The following DRC4 variants were observed in gnomAD, a reference collection of about 807,000 sequenced individuals.
DRC4 encodes dynein regulatory complex subunit 4.
chr16:90,039,863 G>C, the DRC4 span: 2 of 229,918 alleles, frequency 8.7e-6, no homozygotes, highest in South Asian at 1.4e-4. Flanking sequence ...TGTGATGCCA[G>C]GATCTGGGGC....
At chr16:90,033,163 G>A in the DRC4 span, among the ~76,000 whole-genome samples, 65,031 of 152,080 alleles carry the variant, frequency 0.43, 14,785 homozygotes, top group East Asian at 0.82. Flanking sequence ...TCACCGAAGA[G>A]AAAAAATCCA....
At chr16:90,037,485 C>T in the DRC4 span, 2 of 1,441,184 alleles carry the variant, frequency 1.4e-6, no homozygotes, top group Non-Finnish European at 1.9e-6. Flanking sequence ...AGGGGCTTGG[C>T]CCTTAGGGCA....
chr16:90,041,284 A>G, the DRC4 span, among the ~76,000 whole-genome samples: 1 of 152,164 alleles, frequency 6.6e-6, no homozygotes, highest in Non-Finnish European at 1.5e-5. Context: ...CTAAGTGAGG[A>G]ATCTTCTGGG....
At chr16:90,043,079 T>C in the DRC4 span, 1 of 1,208,740 alleles carries the variant, frequency 8.3e-7, no homozygotes, top group South Asian at 1.5e-5. Context: ...TGATAAGCCT[T>C]TGGCTTTATC....
At chr16:90,037,516 T>A in the DRC4 span, 4 of 1,206,354 alleles carry the variant, frequency 3.3e-6, no homozygotes, top group Non-Finnish European at 4.6e-6. Flanking sequence ...CGGGGAGGCC[T>A]GCATTTCTCC....
the DRC4 span, chr16:90,022,807 C>A: frequency 1.6e-6 from 2 of 1,223,774 alleles, no homozygotes; most frequent in South Asian, 2.2e-5. Flanking sequence ...ACACGGAGAC[C>A]CTGGGAATGG....
At chr16:90,020,912 G>T in the DRC4 span, 1 of 152,268 alleles carries the variant, frequency 6.6e-6, no homozygotes, top group African/African-American at 2.4e-5. Context: ...GTTTTGTGAA[G>T]TAAGTGTTAA....
chr16:90,043,108 C>T, the DRC4 span: 1 of 1,431,478 alleles, frequency 7.0e-7, no homozygotes, highest in Non-Finnish European at 9.5e-7. Flanking sequence ...CCGTGATGCT[C>T]ACGCTGCCCC....
At chr16:90,021,632 C>G in the DRC4 span, among the ~76,000 whole-genome samples, 7 of 151,926 alleles carry the variant, frequency 4.6e-5, 1 homozygote, top group South Asian at 1.5e-3. Context: ...TTTGGGAGGC[C>G]GAGGCAGGAG....
chr16:90,029,610 C>A, the DRC4 span: 5 of 262,530 alleles, frequency 1.9e-5, no homozygotes, highest in Non-Finnish European at 3.2e-5. Context: ...TCATGTCTGC[C>A]CGGCATCCTC....
chr16:90,040,101 C>G, the DRC4 span: 1 of 613,394 alleles, frequency 1.6e-6, no homozygotes, highest in African/African-American at 1.8e-5. Context: ...GTTCCTCCTG[C>G]CTTCCACTGC....
At chr16:90,042,574 C>T in the DRC4 span, 3,046 of 1,543,134 alleles carry the variant, frequency 2.0e-3, 53 homozygotes, top group African/African-American at 0.036. Context: ...GGCACCCCCT[C>T]GGTGCCCAGA....
chr16:90,026,080 C>G, the DRC4 span, among the ~76,000 whole-genome samples: 1 of 152,026 alleles, frequency 6.6e-6, no homozygotes, highest in Non-Finnish European at 1.5e-5. Flanking sequence ...GTGATCACAC[C>G]ACTGCACTCC....
At chr16:90,025,157 C>T in the DRC4 span, among the ~76,000 whole-genome samples, 3 of 151,078 alleles carry the variant, frequency 2.0e-5, no homozygotes, top group East Asian at 2.1e-4. Context: ...CCTGGGACTA[C>T]AGGTGCCCGC....
At chr16:90,040,006 T>A in the DRC4 span, 2 of 437,960 alleles carry the variant, frequency 4.6e-6, no homozygotes, top group East Asian at 8.8e-5. Flanking sequence ...ATGAAGCAGC[T>A]TTCAGGGTGG....
At chr16:90,027,850 C>T in the DRC4 span, 17 of 813,894 alleles carry the variant, frequency 2.1e-5, no homozygotes, top group East Asian at 2.6e-4. Context: ...ACGCCCCCCG[C>T]GTGGCCCATA....
chr16:90,036,841 G>C, the DRC4 span: 2 of 620,440 alleles, frequency 3.2e-6, no homozygotes, highest in East Asian at 5.8e-5. Flanking sequence ...GTGTGTTCTG[G>C]TTTGTAAAAG....
At chr16:90,044,218 G>A in the DRC4 span, 2 of 452,472 alleles carry the variant, frequency 4.4e-6, no homozygotes, top group Admixed American at 2.5e-5. Context: ...GCTGGAGTTG[G>A]CTCAGATGAA....
the DRC4 span, chr16:90,043,636 C>A: frequency 1.7e-6 from 1 of 580,784 alleles, no homozygotes; most frequent in Non-Finnish European, 3.3e-6. Flanking sequence ...TCTCAGAGTG[C>A]CCCGCACTCA....
Sources: allele counts gnomAD v4.1 joint callset (sites outside exome capture counted in the v4.1 genomes callset), GRCh38; gene constraint gnomAD v4.1.1; transcripts MANE v1.5; gene names NCBI Gene and HGNC (gene_info 2026-07-23, HGNC 2026-07-21).